Variants in ESRRG observed in about 807,000 individuals in gnomAD.
The protein encoded by ESRRG is estrogen related receptor gamma.
ESRRG carries 13 observed loss-of-function variants against 44.0 expected under a neutral mutation model. That is an observed-to-expected ratio of 0.30 (90% confidence interval 0.19 to 0.47). ESRRG has a LOEUF of 0.47. Ranked by LOEUF, ESRRG falls within the 20% of genes least tolerant of loss-of-function variation. ESRRG has a pLI of 1.00. For synonymous variants in ESRRG, 215 were observed against 214.6 expected (o/e 1.00, Z -0.02); for missense variants, 395 against 580.6 (o/e 0.68, Z 3.29).
intron 3 of ESRRG, among the ~76,000 whole-genome samples, chr1:216,570,880 A>G (rs528461989): frequency 6.6e-6 from 1 of 152,334 alleles, no homozygotes; most frequent in Admixed American, 6.5e-5. Context: ...GAATGTATTC[A>G]CTGTTAGCAA....
chr1:217,114,667 C>CTTTTTTTT (rs139701773), intron 1 of ESRRG, among the ~76,000 whole-genome samples: 1 of 107,254 alleles, frequency 9.3e-6, no homozygotes, highest in Non-Finnish European at 1.8e-5. Flanking sequence ...CAAAAGATTT[C>CTTTTTTTT]TTTTTTTTTT....
chr1:216,816,849 C>G (rs1170651324), intron 2 of ESRRG, among the ~76,000 whole-genome samples: 1 of 152,044 alleles, frequency 6.6e-6, no homozygotes, highest in Non-Finnish European at 1.5e-5. Context: ...AATATCTTCC[C>G]AAATAAGTGA....
chr1:216,970,395 A>G lies in ESRRG; in HGVS notation c.-105-30722T>C, dbSNP rs1258863512. ...ATCATGCTTCAGTAAAAAGCTTCACACATTCTAAAAACATAGTGTCTTCTT... is the reference window on the plus strand; with the variant it reads ...ATCATGCTTCAGTAAAAAGCTTCACGCATTCTAAAAACATAGTGTCTTCTT... On this transcript the variant is annotated intron_variant, in intron 1 of 7. Transcript: ENST00000359162. Among the ~76,000 whole-genome samples, 3 of 152,224 alleles carry G rather than the reference A, an allele frequency of 2.0e-5. No individual in the cohort carries two copies. The East Asian group carries it at 5.8e-4, about 29-fold the overall frequency.
At chr1:216,548,748 C>T (rs6658528) in intron 5 of ESRRG, among the ~76,000 whole-genome samples, 66,411 of 151,772 alleles carry the variant, frequency 0.44, 14,779 homozygotes, top group African/African-American at 0.5. Flanking sequence ...CCTCCTTGCT[C>T]GTCCGTATTC....
rs371964086 is a variant in ESRRG, at chr1:216,779,225, T to A, written c.-13-101734A>T. Reference sequence around the variant, plus strand: ...TATAAATATAAATATATATTTATATTTATAAATATAAATATATATTTATAT... The same window carrying A: ...TATAAATATAAATATATATTTATATATATAAATATAAATATATATTTATAT... On this transcript the variant is annotated intron_variant, in intron 2 of 7. Transcript: ENST00000359162. Among the ~76,000 whole-genome samples the A allele has an allele frequency of 1.9e-3, 41 of 21,152 alleles. 3 individuals are homozygous for A. The highest frequency in any genetic ancestry group is 6.2e-3 in the African/African-American group (39 of 6,260). The allele number at this position is 21,152 out of a possible 152,430, so 13.9% of individuals were successfully genotyped here. A position where few individuals can be genotyped will look rare whatever the true frequency, so the allele number is the denominator to read the frequency against.
chr1:216,912,160 G>GAA, intron 2 of ESRRG, among the ~76,000 whole-genome samples: 1 of 34,728 alleles, frequency 2.9e-5, no homozygotes, highest in Admixed American at 3.9e-4. Flanking sequence ...GAAAAGAAAA[G>GAA]AAAAGAAAAG....
chr1:217,024,765 C>T (rs2080924508), intron 1 of ESRRG, among the ~76,000 whole-genome samples: 1 of 152,148 alleles, frequency 6.6e-6, no homozygotes, highest in African/African-American at 2.4e-5. Context: ...ATTCTGAGAG[C>T]TTTAATATTC....
At chr1:216,698,272 C>T (rs1308708120) in intron 1 of ESRRG, among the ~76,000 whole-genome samples, 1 of 152,094 alleles carries the variant, frequency 6.6e-6, no homozygotes, top group Non-Finnish European at 1.5e-5. Flanking sequence ...AATCCCAGCA[C>T]TTTGGGAGGC....
intron 2 of ESRRG, among the ~76,000 whole-genome samples, chr1:216,829,605 A>G (rs529132112): frequency 1.3e-5 from 2 of 150,420 alleles, no homozygotes; most frequent in South Asian, 4.3e-4. Context: ...CCCAGGCTGG[A>G]ATGCAGTGGC....
chr1:216,604,790 A>G (rs1050019670), intron 3 of ESRRG, among the ~76,000 whole-genome samples: 1 of 152,232 alleles, frequency 6.6e-6, no homozygotes, highest in African/African-American at 2.4e-5. Context: ...ACCATCTAAA[A>G]TATTTGCCTG....
intron 2 of ESRRG, among the ~76,000 whole-genome samples, chr1:216,875,924 C>T (rs1401543438): frequency 6.6e-6 from 1 of 152,034 alleles, no homozygotes. Context: ...AAGACACAAA[C>T]AGCCTTATTT....
chr1:216,520,711 T>C (rs1558233191), intron 5 of ESRRG, among the ~76,000 whole-genome samples: 1 of 152,150 alleles, frequency 6.6e-6, no homozygotes, highest in Non-Finnish European at 1.5e-5. Context: ...GGTACCATCA[T>C]TTAAGGTCCT....
At chr1:216,536,067 C>A (rs975618658) in intron 5 of ESRRG, among the ~76,000 whole-genome samples, 5 of 152,100 alleles carry the variant, frequency 3.3e-5, no homozygotes, top group African/African-American at 9.7e-5. Flanking sequence ...AAGCTCTTTC[C>A]TCCTTTTGCA....
intron 1 of ESRRG, among the ~76,000 whole-genome samples, chr1:216,974,200 T>G (rs2150323628): frequency 6.6e-6 from 1 of 152,334 alleles, no homozygotes; most frequent in South Asian, 2.1e-4. Context: ...AGTACTTTAT[T>G]GTATATTTCA....
chr1:216,997,962 C>A (rs2150598131), intron 1 of ESRRG, among the ~76,000 whole-genome samples: 1 of 152,310 alleles, frequency 6.6e-6, no homozygotes, highest in East Asian at 1.9e-4. Flanking sequence ...CTCTTTCACC[C>A]ATGCTCAGGA....
At chr1:216,791,472 A>G (rs2094317643) in intron 2 of ESRRG, among the ~76,000 whole-genome samples, 1 of 152,130 alleles carries the variant, frequency 6.6e-6, no homozygotes, top group Non-Finnish European at 1.5e-5. Context: ...ACCCAGTCTC[A>G]GGTATTTTTT....
intron 1 of ESRRG, among the ~76,000 whole-genome samples, chr1:217,103,898 G>A (rs2092554653): frequency 1.3e-5 from 2 of 152,062 alleles, no homozygotes; most frequent in African/African-American, 4.8e-5. Flanking sequence ...AGAATCCAAG[G>A]TGAGACAGCG....
chr1:216,637,431 G>T (rs775604602), intron 3 of ESRRG, among the ~76,000 whole-genome samples: 32 of 152,278 alleles, frequency 2.1e-4, no homozygotes, highest in Non-Finnish European at 4.0e-4. Flanking sequence ...GCTCCAGCAC[G>T]AAGACCATTC....
intron 2 of ESRRG, among the ~76,000 whole-genome samples, chr1:216,833,477 A>G (rs1421236319): frequency 6.6e-6 from 1 of 152,170 alleles, no homozygotes; most frequent in Admixed American, 6.5e-5. Flanking sequence ...GCTTTATGGT[A>G]TGTTGATGCT....
Sources: gnomAD v4.1 joint callset for allele counts (sites outside exome capture counted in the v4.1 genomes callset) on GRCh38, gnomAD v4.1.1 for gene constraint, MANE v1.5 for transcripts, NCBI Gene and HGNC (gene_info 2026-07-23, HGNC 2026-07-21) for gene names.